The following GALNT14 variants were observed in gnomAD, a reference collection of about 807,000 sequenced individuals.
GALNT14 encodes polypeptide N-acetylgalactosaminyltransferase 14, also known as UDP-GalNAc:polypeptide N-acetylgalactosaminyltransferase 14.
Under a neutral mutation model 77.5 loss-of-function variants are expected in GALNT14, and 60 were observed. That is an observed-to-expected ratio of 0.77 (90% CI 0.63 to 0.96). The LOEUF (loss-of-function observed/expected upper bound fraction) is 0.96. Among genes scored for constraint, GALNT14 ranks in the 40% least tolerant of loss-of-function variants. The pLI, the probability that GALNT14 is intolerant of heterozygous loss-of-function variation, is 0.00. For synonymous variants in GALNT14, 280 were observed against 281.7 expected (o/e 0.99, Z 0.06); for missense variants, 710 against 731.0 (o/e 0.97, Z 0.33).
At chr2:30,963,912 T>A (rs1447941918) in intron 3 of GALNT14, among the ~76,000 whole-genome samples, 1 of 152,208 alleles carries the variant, frequency 6.6e-6, no homozygotes, top group Non-Finnish European at 1.5e-5. Context: ...TATTCTCATT[T>A]CCTTGGTTAG....
At chr2:31,077,444 CT>C (rs1353528832) in intron 1 of GALNT14, among the ~76,000 whole-genome samples, 2 of 152,134 alleles carry the variant, frequency 1.3e-5, no homozygotes, top group African/African-American at 4.8e-5. Context: ...AAATTCTGTC[CT>C]TTTCCCTTCA....
At chr2:30,940,835 G>A (rs1666335280) in intron 9 of GALNT14, among the ~76,000 whole-genome samples, 1 of 152,150 alleles carries the variant, frequency 6.6e-6, no homozygotes, top group Non-Finnish European at 1.5e-5. Flanking sequence ...TGGGTCCCAG[G>A]GAAGGGATTC....
At chr2:30,941,934 C>G (rs1666398893) in intron 9 of GALNT14, among the ~76,000 whole-genome samples, 1 of 152,240 alleles carries the variant, frequency 6.6e-6, no homozygotes. Flanking sequence ...CCCTAACAGT[C>G]TGTCAGAGCG....
At chr2:31,118,193 G>T (rs2886304) in intron 1 of GALNT14, among the ~76,000 whole-genome samples, 46,010 of 152,012 alleles carry the variant, frequency 0.3, 7,884 homozygotes, top group Admixed American at 0.38. Context: ...TTTCACAGCT[G>T]AGTTTTATAT....
intron 1 of GALNT14, among the ~76,000 whole-genome samples, chr2:31,049,139 A>C (rs995562740): frequency 6.6e-6 from 1 of 152,182 alleles, no homozygotes; most frequent in African/African-American, 2.4e-5. Flanking sequence ...ACCCACTTGC[A>C]TGCTTTCTTT....
chr2:31,102,779 T>C (rs543321609), intron 1 of GALNT14, among the ~76,000 whole-genome samples: 32 of 152,152 alleles, frequency 2.1e-4, no homozygotes, highest in Non-Finnish European at 4.1e-4. Flanking sequence ...TCGTCTATTT[T>C]CTCCTTGCAT....
chr2:30,914,791 GT>G (rs1558398751), intron 13 of GALNT14, among the ~76,000 whole-genome samples: 1 of 152,202 alleles, frequency 6.6e-6, no homozygotes, highest in African/African-American at 2.4e-5. Context: ...CCCACGCAGG[GT>G]TTTGAATTAG....
intron 1 of GALNT14, among the ~76,000 whole-genome samples, chr2:31,007,011 G>T (rs894801464): frequency 3.9e-5 from 6 of 152,210 alleles, no homozygotes; most frequent in African/African-American, 1.2e-4. Flanking sequence ...AACTAGGTCA[G>T]CTGCTGAATA....
At chr2:31,065,647 G>A (rs1042059783) in intron 1 of GALNT14, among the ~76,000 whole-genome samples, 3 of 152,144 alleles carry the variant, frequency 2.0e-5, no homozygotes, top group African/African-American at 4.8e-5. Flanking sequence ...ATGATGGTCC[G>A]GCAGGGCCTC....
chr2:31,058,233 C>G (rs1674360418), intron 1 of GALNT14, among the ~76,000 whole-genome samples: 1 of 152,212 alleles, frequency 6.6e-6, no homozygotes, highest in Non-Finnish European at 1.5e-5. Flanking sequence ...TAACATTGAG[C>G]AAGTCATTTC....
At chr2:30,965,243 A>C (rs1464161728) in intron 3 of GALNT14, among the ~76,000 whole-genome samples, 1 of 152,190 alleles carries the variant, frequency 6.6e-6, no homozygotes. Context: ...GCTAGGCGAC[A>C]CTGGACCTTG....
At chr2:31,093,101 G>A (rs1215267443) in intron 1 of GALNT14, among the ~76,000 whole-genome samples, 1 of 152,196 alleles carries the variant, frequency 6.6e-6, no homozygotes, top group African/African-American at 2.4e-5. Context: ...GAGAATGAGA[G>A]AGAGGACAGG....
chr2:31,023,859 C>T (rs946262676), intron 1 of GALNT14, among the ~76,000 whole-genome samples: 1 of 152,176 alleles, frequency 6.6e-6, no homozygotes, highest in Non-Finnish European at 1.5e-5. Context: ...GCATCCAGCA[C>T]CCTACCTGAC....
At chr2:31,096,712 A>C (rs1157360187) in intron 1 of GALNT14, among the ~76,000 whole-genome samples, 1 of 152,214 alleles carries the variant, frequency 6.6e-6, no homozygotes, top group Non-Finnish European at 1.5e-5. Context: ...CTGGTTTAAT[A>C]TTGGAGTCTT....
intron 1 of GALNT14, among the ~76,000 whole-genome samples, chr2:31,007,012 C>T (rs1012583079): frequency 3.9e-5 from 6 of 152,168 alleles, no homozygotes; most frequent in African/African-American, 1.2e-4. Context: ...ACTAGGTCAG[C>T]TGCTGAATAT....
At chr2:31,056,220 G>A (rs1674197687) in intron 1 of GALNT14, among the ~76,000 whole-genome samples, 1 of 152,182 alleles carries the variant, frequency 6.6e-6, no homozygotes, top group Non-Finnish European at 1.5e-5. Flanking sequence ...GTAGGCAGGT[G>A]ATGATGAGTG....
chr2:30,938,821 G>A (rs935208123), intron 9 of GALNT14, among the ~76,000 whole-genome samples: 9 of 152,200 alleles, frequency 5.9e-5, no homozygotes, highest in African/African-American at 1.4e-4. Flanking sequence ...CATCTCATGC[G>A]TCTTTGTGCT....
chr2:31,128,430 T>G (rs1310855286), intron 1 of GALNT14, among the ~76,000 whole-genome samples: 3 of 152,164 alleles, frequency 2.0e-5, no homozygotes, highest in Non-Finnish European at 4.4e-5. Context: ...GGCACTTGCT[T>G]GCATTTCAAA....
intron 1 of GALNT14, among the ~76,000 whole-genome samples, chr2:31,018,642 T>A (rs1232075237): frequency 3.3e-5 from 5 of 152,046 alleles, no homozygotes; most frequent in African/African-American, 1.2e-4. Flanking sequence ...CCAGAAGGGC[T>A]GGGGACTGCT....
Sources: gnomAD v4.1 joint callset for allele counts (sites outside exome capture counted in the v4.1 genomes callset) on GRCh38, gnomAD v4.1.1 for gene constraint, MANE v1.5 for transcripts, NCBI Gene and HGNC (gene_info 2026-07-23, HGNC 2026-07-21) for gene names.